SRGAP3: variants seen among roughly 807,000 people sequenced by gnomAD.
SRGAP3 encodes the protein SLIT-ROBO Rho GTPase activating protein 3.
A neutral mutation model predicts 121.1 loss-of-function variants in SRGAP3; 39 were observed. The ratio of observed to expected loss-of-function variants is 0.32; its 90% CI spans 0.25 to 0.42. The LOEUF (loss-of-function observed/expected upper bound fraction) is 0.42. Ranked by LOEUF, SRGAP3 falls within the 10% of genes least tolerant of loss-of-function variation. The probability of loss-of-function intolerance (pLI) is 1.00; values close to 1 mark genes in which losing one functional copy is unlikely to be tolerated. For synonymous variants in SRGAP3, 601 were observed against 570.0 expected (o/e 1.05, Z -0.77); for missense variants, 1,213 against 1,470.6 (o/e 0.82, Z 2.86).
At chr3:9,282,113 A>G (rs780562025) in intron 3 of SRGAP3, among the ~76,000 whole-genome samples, 6 of 152,174 alleles carry the variant, frequency 3.9e-5, no homozygotes, top group Non-Finnish European at 7.3e-5. Flanking sequence ...AAATTTAACA[A>G]TCTTTTCCAC....
At chr3:9,093,533 C>T (rs1947843295) in intron 3 of SRGAP3, among the ~76,000 whole-genome samples, 2 of 151,814 alleles carry the variant, frequency 1.3e-5, no homozygotes, top group African/African-American at 4.8e-5. Flanking sequence ...ATCCATATAC[C>T]CATCAACCCA....
intron 1 of SRGAP3, among the ~76,000 whole-genome samples, chr3:9,132,847 G>A (rs1482741677): frequency 1.9e-5 from 2 of 107,280 alleles, no homozygotes; most frequent in Admixed American, 1.0e-4. Flanking sequence ...AGGAAATATA[G>A]GGTTTTTTTT....
chr3:9,001,846 T>C (rs1360886946), intron 18 of SRGAP3, among the ~76,000 whole-genome samples: 1 of 152,058 alleles, frequency 6.6e-6, no homozygotes, highest in Non-Finnish European at 1.5e-5. Flanking sequence ...GATAAAAATT[T>C]TGATCTATCA....
intron 1 of SRGAP3, among the ~76,000 whole-genome samples, chr3:9,179,734 G>A (rs1480796804): frequency 6.6e-6 from 1 of 152,190 alleles, no homozygotes; most frequent in East Asian, 1.9e-4. Flanking sequence ...AACTAACAAC[G>A]TCATCTCCAC....
intron 2 of SRGAP3, among the ~76,000 whole-genome samples, chr3:9,107,392 G>A (rs1560163859): frequency 6.6e-6 from 1 of 152,268 alleles, no homozygotes; most frequent in South Asian, 2.1e-4. Context: ...AGAAGCTGCA[G>A]AAGGCATCGT....
At chr3:9,112,420 T>C (rs575353703) in intron 2 of SRGAP3, among the ~76,000 whole-genome samples, 1 of 152,340 alleles carries the variant, frequency 6.6e-6, no homozygotes, top group South Asian at 2.1e-4. Flanking sequence ...ATTCAGCCAA[T>C]AGTAAGTGTG....
intron 3 of SRGAP3, among the ~76,000 whole-genome samples, chr3:9,288,385 C>T (rs1337648104): frequency 6.6e-6 from 1 of 151,922 alleles, no homozygotes; most frequent in Admixed American, 6.6e-5. Context: ...GATCTGCCCA[C>T]CTCAGCCTCC....
At chr3:9,058,050 A>G (rs547023064) in intron 7 of SRGAP3, among the ~76,000 whole-genome samples, 1 of 152,178 alleles carries the variant, frequency 6.6e-6, no homozygotes, top group Non-Finnish European at 1.5e-5. Context: ...AAGGTCCTGT[A>G]ATTCTGCACG....
At chr3:9,234,420 T>A (rs951187104) in intron 1 of SRGAP3, among the ~76,000 whole-genome samples, 6 of 152,090 alleles carry the variant, frequency 3.9e-5, no homozygotes, top group African/African-American at 1.4e-4. Context: ...CATTCTTTAG[T>A]ACAAATTAAA....
At chr3:9,335,337 T>C (rs769662031) in intron 1 of SRGAP3, among the ~76,000 whole-genome samples, 24 of 152,240 alleles carry the variant, frequency 1.6e-4, no homozygotes, top group Non-Finnish European at 1.0e-4. Context: ...AGTGAATTTA[T>C]ATGTGTGTAT....
chr3:9,284,553 G>A (rs963721132), intron 3 of SRGAP3, among the ~76,000 whole-genome samples: 5 of 152,134 alleles, frequency 3.3e-5, no homozygotes, highest in Non-Finnish European at 7.3e-5. Context: ...GTTCTGGGCT[G>A]GGTGTGGTGG....
At chr3:9,001,055 G>A in intron 18 of SRGAP3, among the ~76,000 whole-genome samples, 1 of 152,200 alleles carries the variant, frequency 6.6e-6, no homozygotes, top group South Asian at 2.1e-4. Context: ...AATAGTAAGA[G>A]CAGAATACTG....
intron 1 of SRGAP3, among the ~76,000 whole-genome samples, chr3:9,335,656 T>C (rs1036020631): frequency 6.6e-5 from 10 of 152,182 alleles, no homozygotes; most frequent in African/African-American, 2.2e-4. Flanking sequence ...ATGCACATTA[T>C]TGAGCCCCAC....
At chr3:9,196,492 G>A (rs1951920650) in intron 1 of SRGAP3, among the ~76,000 whole-genome samples, 1 of 152,118 alleles carries the variant, frequency 6.6e-6, no homozygotes, top group South Asian at 2.1e-4. Flanking sequence ...TGTGTTTTAT[G>A]TTTTCTTTGC....
chr3:9,295,722 A>G (rs1383784176), intron 3 of SRGAP3, among the ~76,000 whole-genome samples: 1 of 152,210 alleles, frequency 6.6e-6, no homozygotes, highest in African/African-American at 2.4e-5. Context: ...TTGTGCAACT[A>G]TCACTACCAT....
intron 1 of SRGAP3, among the ~76,000 whole-genome samples, chr3:9,155,972 C>A (rs566919335): frequency 5.3e-5 from 8 of 152,116 alleles, no homozygotes; most frequent in African/African-American, 1.9e-4. Flanking sequence ...CCCGCCACCA[C>A]GCCCCGCTAA....
chr3:9,046,611 C>A (rs953225033), intron 10 of SRGAP3, among the ~76,000 whole-genome samples: 1 of 152,302 alleles, frequency 6.6e-6, no homozygotes, highest in South Asian at 2.1e-4. Flanking sequence ...GAGGGCCAAA[C>A]CCTGACTTAC....
intron 2 of SRGAP3, among the ~76,000 whole-genome samples, chr3:9,107,449 C>T (rs1193421005): frequency 6.6e-6 from 1 of 152,238 alleles, no homozygotes; most frequent in Non-Finnish European, 1.5e-5. Context: ...CTCTTCTATT[C>T]CCACTGGGGC....
At chr3:9,162,579 C>T (rs1226000143) in intron 1 of SRGAP3, among the ~76,000 whole-genome samples, 1 of 152,152 alleles carries the variant, frequency 6.6e-6, no homozygotes, top group East Asian at 1.9e-4. Context: ...GATTAAGCCC[C>T]GCCAGATAAA....
Sources: allele counts gnomAD v4.1 joint callset (sites outside exome capture counted in the v4.1 genomes callset), GRCh38; gene constraint gnomAD v4.1.1; transcripts MANE v1.5; gene names NCBI Gene and HGNC (gene_info 2026-07-23, HGNC 2026-07-21).